The following ZBTB16 variants were observed in gnomAD, a reference collection of about 807,000 sequenced individuals.
The protein encoded by ZBTB16 is zinc finger and BTB domain-containing protein 16.
Under a neutral mutation model 56.8 loss-of-function variants are expected in ZBTB16, and 8 were observed. The observed-to-expected ratio is 0.14, with a 90% CI of 0.08 to 0.25. The LOEUF is 0.25. Ranked by LOEUF, ZBTB16 falls within the 10% of genes least tolerant of loss-of-function variation. The pLI is 1.00. For missense variants in ZBTB16, 625 were observed against 903.0 expected (o/e 0.69, Z 3.95); for synonymous variants, 363 against 368.5 (o/e 0.98, Z 0.17).
At chr11:114,170,306 C>T (rs1216456703) in intron 3 of ZBTB16, among the ~76,000 whole-genome samples, 1 of 152,202 alleles carries the variant, frequency 6.6e-6, no homozygotes, top group Non-Finnish European at 1.5e-5. Context: ...CAGAGTTGGC[C>T]ACCCTGGAGG....
rs777056954 is a variant in ZBTB16, at chr11:114,064,369, C to T, written c.1069C>T (p.His357Tyr). The T allele has an allele frequency of 3.1e-6, 5 of 1,614,074 alleles. No homozygotes were observed. In the Admixed American group the frequency reaches 5.0e-5, roughly 16 times the overall value. ...SMPSSVTSGL[H>Y]VQPALAVSMD... The stretch of plus-strand genomic sequence containing the variant: ...GCCGTCTTCCGTGACCTCTGGCCTC[C>T]ACGTGCAGCCTGCCCTGGCTGTCTC... The change falls in exon 2 of 7, where the codon CAC (histidine) becomes TAC (tyrosine). Residue 357 changes from histidine (H) to tyrosine (Y), a missense_variant. By Grantham distance (83) the His-to-Tyr change is moderately conservative (BLOSUM62 2). Coordinates refer to ENST00000335953, the MANE Select transcript of ZBTB16 (RefSeq NM_006006.6). The surrounding 1 kb of genome is among the most constrained non-coding windows in gnomAD (Gnocchi z 4.2).
At chr11:114,074,146 G>T (rs1354034894) in intron 2 of ZBTB16, among the ~76,000 whole-genome samples, 1 of 152,196 alleles carries the variant, frequency 6.6e-6, no homozygotes, top group Admixed American at 6.5e-5. Context: ...AGAGTGTGAG[G>T]CCACCTCCCT....
intron 2 of ZBTB16, among the ~76,000 whole-genome samples, chr11:114,138,347 G>A (rs1329001586): frequency 6.6e-6 from 1 of 152,142 alleles, no homozygotes; most frequent in Non-Finnish European, 1.5e-5. Context: ...TTCCCCGATG[G>A]CAATCAACTT....
At chr11:114,128,300 G>A (rs1941568267) in intron 2 of ZBTB16, among the ~76,000 whole-genome samples, 1 of 152,196 alleles carries the variant, frequency 6.6e-6, no homozygotes, top group African/African-American at 2.4e-5. Context: ...CCAGGCACCT[G>A]CTCTCTGCCA....
At chr11:114,204,213 G>A (rs377069014) in intron 4 of ZBTB16, among the ~76,000 whole-genome samples, 4 of 151,566 alleles carry the variant, frequency 2.6e-5, no homozygotes, top group South Asian at 4.2e-4. Context: ...GAGTGCCATG[G>A]CACGATCTCG....
chr11:114,162,278 G>C (rs995519219), intron 3 of ZBTB16, among the ~76,000 whole-genome samples: 2 of 152,196 alleles, frequency 1.3e-5, no homozygotes, highest in Non-Finnish European at 2.9e-5. Context: ...TCTGTGGCTT[G>C]TCCTTGTTCT....
At chr11:114,142,197 G>C (rs60162088) in intron 2 of ZBTB16, among the ~76,000 whole-genome samples, 39 of 152,284 alleles carry the variant, frequency 2.6e-4, no homozygotes, top group Non-Finnish European at 5.0e-4. Context: ...TTGTGGCAGC[G>C]GTGGTTAAGG....
intron 3 of ZBTB16, among the ~76,000 whole-genome samples, chr11:114,157,562 C>CAG (rs1942451513): frequency 6.6e-6 from 1 of 152,204 alleles, no homozygotes; most frequent in Admixed American, 6.5e-5. Context: ...TCCGCTCGTT[C>CAG]CCTGCCTGCC....
In ZBTB16 at chr11:114,100,793, C is replaced by T. The variant is rs75090097; in HGVS notation, c.1268+36225C>T. 6.1e-3 allele frequency among the ~76,000 whole-genome samples: 927 copies of T among 152,260 alleles called. 7 individuals are homozygous for T. Among genetic ancestry groups the T allele is most frequent in the African/African-American group, 0.021 (866 of 41,540 alleles). On this transcript the variant is annotated intron_variant, in intron 2 of 6. Coordinates refer to ENST00000335953, the MANE Select transcript of ZBTB16 (RefSeq NM_006006.6). Reference sequence around the variant, plus strand: ...AAGACTGGGATACTTACAAACTTACCGCAGGACCAGACAGTGACTATCAGA... The same window carrying T: ...AAGACTGGGATACTTACAAACTTACTGCAGGACCAGACAGTGACTATCAGA...
chr11:114,096,739 G>T (rs566094623), intron 2 of ZBTB16, among the ~76,000 whole-genome samples: 18 of 152,286 alleles, frequency 1.2e-4, no homozygotes, highest in Middle Eastern at 3.4e-3. Flanking sequence ...CATTTTACGG[G>T]CACTTTTGCG....
At chr11:114,163,682 A>T (rs1476354466) in intron 3 of ZBTB16, among the ~76,000 whole-genome samples, 1 of 152,056 alleles carries the variant, frequency 6.6e-6, no homozygotes, top group African/African-American at 2.4e-5. Context: ...CCCCTGTGTG[A>T]AGAGGGGGTT....
At chr11:114,144,746 A>G (rs113289440) in intron 2 of ZBTB16, among the ~76,000 whole-genome samples, 1 of 152,218 alleles carries the variant, frequency 6.6e-6, no homozygotes, top group African/African-American at 2.4e-5. Context: ...TATATTTTCA[A>G]GCTTTCTACC....
chr11:114,132,570 C>T (rs1480824816), intron 2 of ZBTB16, among the ~76,000 whole-genome samples: 1 of 152,186 alleles, frequency 6.6e-6, no homozygotes, highest in Non-Finnish European at 1.5e-5. Context: ...ATCCTGCCCC[C>T]TCGCAAGCTT....
At chr11:114,171,468 C>G (rs1942965978) in intron 3 of ZBTB16, among the ~76,000 whole-genome samples, 1 of 152,344 alleles carries the variant, frequency 6.6e-6, no homozygotes, top group Admixed American at 6.5e-5. Context: ...CCAAGCTGAA[C>G]GTGTCCTCTG....
At chr11:114,249,738 G>C (rs1490126999) in intron 6 of ZBTB16, among the ~76,000 whole-genome samples, 1 of 136,612 alleles carries the variant, frequency 7.3e-6, no homozygotes, top group Non-Finnish European at 1.5e-5. Context: ...GCAGTCCGCA[G>C]TCTGGCCTGG....
rs560384107 is a variant in ZBTB16 at position 114,172,516 on chromosome 11, G to A, written c.1367-14436G>A. 6.6e-5 allele frequency among the ~76,000 whole-genome samples: 10 copies of A among 152,278 alleles called. No individual in the cohort carries two copies. In the East Asian group the frequency reaches 1.5e-3, roughly 24 times the overall value. On this transcript the variant is annotated intron_variant, in intron 3 of 6. Transcript: ENST00000335953. ...CCTAGCAAGTAAGAGACAGAGCTGCGCTGTGACCCCAGGGCTGCCTGACCC... is the reference window on the plus strand; with the variant it reads ...CCTAGCAAGTAAGAGACAGAGCTGCACTGTGACCCCAGGGCTGCCTGACCC...
chr11:114,098,575 C>T (rs1346683445), intron 2 of ZBTB16, among the ~76,000 whole-genome samples: 2 of 150,730 alleles, frequency 1.3e-5, no homozygotes, highest in East Asian at 1.9e-4. Flanking sequence ...CTGACATTCT[C>T]ACGAGTCTTG....
chr11:114,121,065 C>T (rs910073866), intron 2 of ZBTB16, among the ~76,000 whole-genome samples: 38 of 152,194 alleles, frequency 2.5e-4, no homozygotes, highest in Non-Finnish European at 7.4e-5. Context: ...GCCTGACCCA[C>T]GTTTAGAGAC....
chr11:114,099,644 T>G (rs1940539433), intron 2 of ZBTB16, among the ~76,000 whole-genome samples: 1 of 152,068 alleles, frequency 6.6e-6, no homozygotes, highest in Non-Finnish European at 1.5e-5. Context: ...CGAAGCAGTG[T>G]GTGGTGTGTG....
Sources: allele counts gnomAD v4.1 joint callset (sites outside exome capture counted in the v4.1 genomes callset), GRCh38; gene constraint gnomAD v4.1.1; non-coding constraint Gnocchi (gnomAD v3.1); transcripts MANE v1.5; gene names NCBI Gene and HGNC (gene_info 2026-07-23, HGNC 2026-07-21).